PCDH9: variants seen among roughly 807,000 people sequenced by gnomAD.
PCDH9 encodes protocadherin 9.
PCDH9 carries 24 observed loss-of-function variants against 70.6 expected under a neutral mutation model. The observed-to-expected ratio is 0.34, with a 90% CI of 0.25 to 0.48. The LOEUF is 0.48. Among genes scored for constraint, PCDH9 ranks in the 20% least tolerant of loss-of-function variants. The probability of loss-of-function intolerance (pLI) is 0.99; values close to 1 mark genes in which losing one functional copy is unlikely to be tolerated. For synonymous variants in PCDH9, 562 were observed against 558.5 expected (o/e 1.01, Z -0.09); for missense variants, 1,281 against 1,503.6 (o/e 0.85, Z 2.45).
intron 2 of PCDH9, among the ~76,000 whole-genome samples, chr13:67,016,325 C>T (rs896369381): frequency 4.6e-5 from 7 of 152,164 alleles, no homozygotes; most frequent in African/African-American, 1.7e-4. Context: ...AATTTCCGTT[C>T]ATTAACATAT....
intron 4 of PCDH9, among the ~76,000 whole-genome samples, chr13:66,512,282 T>TTATA (rs35496834): frequency 0.011 from 1,635 of 144,388 alleles, 15 homozygotes; most frequent in Middle Eastern, 0.025. Flanking sequence ...ACCTTAGGAA[T>TTATA]TATATATATA....
intron 2 of PCDH9, among the ~76,000 whole-genome samples, chr13:67,025,961 T>C (rs1195211917): frequency 6.6e-6 from 1 of 152,212 alleles, no homozygotes; most frequent in Admixed American, 6.6e-5. Flanking sequence ...TTAAGCTCTT[T>C]GGTGGTTATG....
At chr13:66,504,822 G>A (rs1959195517) in intron 4 of PCDH9, among the ~76,000 whole-genome samples, 1 of 152,116 alleles carries the variant, frequency 6.6e-6, no homozygotes, top group Non-Finnish European at 1.5e-5. Context: ...ATGCTTATGA[G>A]GTGAAACATT....
At chr13:66,499,882 C>T (rs758048679) in intron 4 of PCDH9, among the ~76,000 whole-genome samples, 42 of 152,188 alleles carry the variant, frequency 2.8e-4, no homozygotes, top group Non-Finnish European at 4.9e-4. Context: ...TTCAGAGAGC[C>T]TGGCATCTTT....
intron 2 of PCDH9, among the ~76,000 whole-genome samples, chr13:66,929,554 C>T (rs2082772632): frequency 6.6e-6 from 1 of 152,060 alleles, no homozygotes; most frequent in South Asian, 2.1e-4. Context: ...GAACTCCAGA[C>T]CTCAGGTGAT....
chr13:66,765,943 T>G (rs2079709432), intron 3 of PCDH9, among the ~76,000 whole-genome samples: 2 of 152,044 alleles, frequency 1.3e-5, no homozygotes, highest in Non-Finnish European at 2.9e-5. Context: ...CTTTGTTAGC[T>G]TCTTACTTTT....
chr13:67,095,747 AGTTT>A (rs2086306868), intron 2 of PCDH9, among the ~76,000 whole-genome samples: 1 of 152,160 alleles, frequency 6.6e-6, no homozygotes, highest in African/African-American at 2.4e-5. Flanking sequence ...GGAAATGACT[AGTTT>A]GTTTTCCCAA....
At chr13:66,967,701 CTA>C (rs529503115) in intron 2 of PCDH9, among the ~76,000 whole-genome samples, 3 of 152,086 alleles carry the variant, frequency 2.0e-5, no homozygotes, top group African/African-American at 7.2e-5. Flanking sequence ...TTAAATCAGA[CTA>C]AGTATTTTGA....
At chr13:67,011,647 A>G (rs1442926067) in intron 2 of PCDH9, among the ~76,000 whole-genome samples, 4 of 151,910 alleles carry the variant, frequency 2.6e-5, no homozygotes, top group Non-Finnish European at 4.4e-5. Context: ...ATTTTTAATT[A>G]GAGAAGTGTC....
intron 2 of PCDH9, among the ~76,000 whole-genome samples, chr13:66,995,855 C>T (rs1256670914): frequency 6.6e-6 from 1 of 152,046 alleles, no homozygotes; most frequent in Non-Finnish European, 1.5e-5. Flanking sequence ...CTAAAAGAAC[C>T]TAAATGAAGA....
intron 3 of PCDH9, among the ~76,000 whole-genome samples, chr13:66,752,242 A>G (rs2079471733): frequency 1.3e-5 from 2 of 152,246 alleles, no homozygotes; most frequent in Non-Finnish European, 2.9e-5. Context: ...TGTCTAGTAT[A>G]TGTCATGTCT....
intron 4 of PCDH9, among the ~76,000 whole-genome samples, chr13:66,607,110 A>G (rs1033005399): frequency 1.3e-5 from 2 of 152,182 alleles, no homozygotes; most frequent in Non-Finnish European, 2.9e-5. Context: ...ATATAAAAAT[A>G]TTAAGATTAA....
intron 4 of PCDH9, among the ~76,000 whole-genome samples, chr13:66,339,863 A>G (rs1259141705): frequency 1.3e-5 from 2 of 152,034 alleles, no homozygotes; most frequent in Non-Finnish European, 1.5e-5. Flanking sequence ...CACTTCTATC[A>G]TATCAGAAAT....
intron 2 of PCDH9, among the ~76,000 whole-genome samples, chr13:67,128,945 A>G (rs943926747): frequency 1.3e-5 from 2 of 152,164 alleles, no homozygotes; most frequent in African/African-American, 2.4e-5. Context: ...AGCTGGGTCT[A>G]TTTAATCATT....
intron 4 of PCDH9, among the ~76,000 whole-genome samples, chr13:66,542,598 C>A (rs1044735628): frequency 6.6e-6 from 1 of 150,734 alleles, no homozygotes; most frequent in Non-Finnish European, 1.5e-5. Context: ...ATCGTGTGAG[C>A]CTATTCCTTA....
At chr13:66,835,236 A>C (rs1420171553) in intron 3 of PCDH9, among the ~76,000 whole-genome samples, 5 of 152,178 alleles carry the variant, frequency 3.3e-5, no homozygotes, top group Non-Finnish European at 7.3e-5. Context: ...ATATAAAGCT[A>C]ATTCATGGCG....
At chr13:66,517,399 T>C (rs1959788706) in intron 4 of PCDH9, among the ~76,000 whole-genome samples, 1 of 152,116 alleles carries the variant, frequency 6.6e-6, no homozygotes, top group Non-Finnish European at 1.5e-5. Context: ...TGCATAATTG[T>C]GAGACTAAAA....
intron 2 of PCDH9, among the ~76,000 whole-genome samples, chr13:67,152,656 C>T (rs1201819422): frequency 1.3e-5 from 2 of 152,130 alleles, no homozygotes; most frequent in Non-Finnish European, 2.9e-5. Flanking sequence ...ATGTCTCATC[C>T]TTATATTCTT....
At chr13:66,843,355 TACAC>T (rs10580677) in intron 3 of PCDH9, among the ~76,000 whole-genome samples, 43 of 151,078 alleles carry the variant, frequency 2.8e-4, no homozygotes, top group Admixed American at 9.9e-4. Context: ...TGCACATACA[TACAC>T]ACACACACAC....
Sources: gnomAD v4.1 joint callset for allele counts (sites outside exome capture counted in the v4.1 genomes callset) on GRCh38, gnomAD v4.1.1 for gene constraint, MANE v1.5 for transcripts, NCBI Gene and HGNC (gene_info 2026-07-23, HGNC 2026-07-21) for gene names.